The following CIP2A variants were observed in gnomAD, a reference collection of about 807,000 sequenced individuals.
The protein encoded by CIP2A is cellular inhibitor of PP2A, also known as protein CIP2A.
In CIP2A, 103 loss-of-function variants were observed where a neutral mutation model predicts 110.9. The observed-to-expected ratio is 0.93, with a 90% confidence interval of 0.79 to 1.09. The LOEUF (loss-of-function observed/expected upper bound fraction) is 1.09. Ranked by LOEUF, CIP2A falls within the 50% of genes least tolerant of loss-of-function variation. The pLI, the probability that CIP2A is intolerant of heterozygous loss-of-function variation, is 0.00. For missense variants in CIP2A, 1,088 were observed against 1,038.4 expected (o/e 1.05, Z -0.66); for synonymous variants, 381 against 361.6 (o/e 1.05, Z -0.61).
chr3:108,552,386 A>C lies in CIP2A; in HGVS notation c.2408-13T>G, dbSNP rs915895478. 4.0e-6 allele frequency: 6 copies of C among 1,492,726 alleles called. No individual in the cohort carries two copies. In the African/African-American group the frequency reaches 8.6e-5, roughly 21 times the overall value. The allele number at this position is 1,492,726 out of a possible 1,614,324, so 92.5% of individuals were successfully genotyped here. A position where few individuals can be genotyped will look rare whatever the true frequency, so the allele number is the denominator to read the frequency against. ...TTTTGATGCAAATCTTAAAAGAAAA[A>C]AAAGTCAAGTATTATACTCAGAGGT... On this transcript the variant is annotated splice_polypyrimidine_tract_variant and intron_variant, in intron 19 of 20. Coordinates refer to ENST00000295746, the MANE Select transcript of CIP2A (RefSeq NM_020890.3).
chr3:108,556,239 T>G (rs1038317536), intron 17 of CIP2A, among the ~76,000 whole-genome samples: 1 of 152,220 alleles, frequency 6.6e-6, no homozygotes, highest in African/African-American at 2.4e-5. Context: ...ATATGTACCA[T>G]GCCAAGCTAA....
intron 1 of CIP2A, among the ~76,000 whole-genome samples, chr3:108,586,788 G>A (rs923585290): frequency 6.6e-6 from 1 of 152,120 alleles, no homozygotes; most frequent in Non-Finnish European, 1.5e-5. Flanking sequence ...CAAAATTAGT[G>A]TTATGAAACA....
intron 13 of CIP2A, among the ~76,000 whole-genome samples, chr3:108,562,274 C>T (rs971583145): frequency 1.3e-5 from 2 of 151,984 alleles, no homozygotes; most frequent in African/African-American, 4.8e-5. Context: ...GACTCAAGGA[C>T]CTATCTGGTC....
In CIP2A at chr3:108,567,378, G is replaced by C. The variant is rs1938223994; in HGVS notation, c.1274-740C>G. Among the ~76,000 whole-genome samples, 4 of 151,704 alleles carry C rather than the reference G, an allele frequency of 2.6e-5. 1 individual carries two copies. The South Asian group carries it at 8.3e-4, about 32-fold the overall frequency. Reference sequence around the variant, plus strand: ...TAAACAGGGGTGGAGTTTGCTCTAGGACAGAGTAGAACATATTCTTGTTGC... The same window carrying C: ...TAAACAGGGGTGGAGTTTGCTCTAGCACAGAGTAGAACATATTCTTGTTGC... On this transcript the variant is annotated intron_variant, in intron 10 of 20. Coordinates refer to ENST00000295746, the MANE Select transcript of CIP2A (RefSeq NM_020890.3).
intron 11 of CIP2A, among the ~76,000 whole-genome samples, chr3:108,565,794 G>A (rs1334944677): frequency 6.6e-6 from 1 of 151,686 alleles, no homozygotes; most frequent in African/African-American, 2.4e-5. Flanking sequence ...GGTAACCTTA[G>A]GCAATATAGA....
chr3:108,582,886 A>ATATAGCTGACT, intron 3 of CIP2A, 91 bp downstream of exon 3: 1 of 661,462 alleles, frequency 1.5e-6, no homozygotes, highest in Non-Finnish European at 2.6e-6. Context: ...TATATAGCAT[A>ATATAGCTGACT]TATACACTGT....
chr3:108,575,382 ATGCG>A (rs1262331016), intron 8 of CIP2A, among the ~76,000 whole-genome samples: 1 of 150,234 alleles, frequency 6.7e-6, no homozygotes, highest in African/African-American at 2.4e-5. Flanking sequence ...ATATACATGT[ATGCG>A]TGTATATATG....
chr3:108,573,327 A>G (rs1284340474), intron 8 of CIP2A, among the ~76,000 whole-genome samples: 2 of 152,054 alleles, frequency 1.3e-5, no homozygotes, highest in African/African-American at 4.8e-5. Flanking sequence ...ACGCTATTAC[A>G]TATTTAAAAA....
rs1937610965 is a variant in CIP2A, at chr3:108,552,224, A to T, written c.2547+10T>A. On this transcript the variant is annotated intron_variant, in intron 20 of 20. Coordinates refer to ENST00000295746, the MANE Select transcript of CIP2A (RefSeq NM_020890.3). ...TTTTACTGCAAATGAGAAATGGAAC[A>T]GATTCTTACCTTAATGCTCAACTCT... The T allele has an allele frequency of 6.5e-7, 1 of 1,548,456 alleles. No homozygotes were observed. Among genetic ancestry groups the T allele is most frequent in the Admixed American group, 2.2e-5 (1 of 45,426 alleles).
At chr3:108,556,004 T>G (rs1300919313) in intron 17 of CIP2A, among the ~76,000 whole-genome samples, 1 of 152,180 alleles carries the variant, frequency 6.6e-6, no homozygotes, top group Non-Finnish European at 1.5e-5. Flanking sequence ...CTGGTTTTAC[T>G]GTATTGAGCA....
At position 108,589,415 on chromosome 3, in the gene CIP2A, A is replaced by G. The variant is rs540872424; in HGVS notation, c.-40T>C. On this transcript the variant is annotated 5_prime_UTR_variant, in exon 1 of 21. Transcript: ENST00000295746. ...CCCGGCTTAGGGACCACCACCGCCC[A>G]GCGTGCGCCGGCCTTTAGCTTTCGC... The G allele has an allele frequency of 2.1e-6, 3 of 1,459,672 alleles. No individual in the cohort carries two copies. The highest frequency in any genetic ancestry group is 2.4e-5 in the East Asian group (1 of 42,542). 90.4% of individuals were successfully genotyped at this position (1,459,672 alleles called of 1,614,324 possible). A position where few individuals can be genotyped will look rare whatever the true frequency, so the allele number is the denominator to read the frequency against.
At chr3:108,567,357 CAG>C in intron 10 of CIP2A, among the ~76,000 whole-genome samples, 1 of 151,592 alleles carries the variant, frequency 6.6e-6, no homozygotes, top group African/African-American at 2.4e-5. Context: ...GGATATTAAA[CAG>C]GGGTGGAGTT....
At chr3:108,579,763 A>G (rs1244404418) in intron 5 of CIP2A, 75 bp from the exon 6 acceptor site, 1 of 816,292 alleles carries the variant, frequency 1.2e-6, no homozygotes, top group Non-Finnish European at 1.8e-6. Context: ...TATCTTGCAC[A>G]GAGTGGGCAA....
chr3:108,584,408 TC>T (rs1309266474), intron 2 of CIP2A, among the ~76,000 whole-genome samples: 1 of 152,102 alleles, frequency 6.6e-6, no homozygotes, highest in Non-Finnish European at 1.5e-5. Context: ...GATTATACCC[TC>T]AAAGCTGAAA....
chr3:108,578,883 T>G (rs1576316353), intron 7 of CIP2A, among the ~76,000 whole-genome samples: 1 of 152,206 alleles, frequency 6.6e-6, no homozygotes, highest in African/African-American at 2.4e-5. Context: ...ATGACATCAA[T>G]GTTTCAACAC....
intron 8 of CIP2A, among the ~76,000 whole-genome samples, chr3:108,570,441 G>T (rs938127899): frequency 6.6e-6 from 1 of 152,062 alleles, no homozygotes; most frequent in Non-Finnish European, 1.5e-5. Context: ...GTTGCTTAAT[G>T]CATCATTAAT....
intron 17 of CIP2A, 31 bp from the exon 18 acceptor site, chr3:108,554,520 T>C (rs1937714205): frequency 1.1e-6 from 1 of 908,576 alleles, no homozygotes; most frequent in Non-Finnish European, 1.7e-6. Flanking sequence ...GTTGGCATCA[T>C]TATGGAGGAA....
Position 108,563,221 on chromosome 3 carries a change from C to G in CIP2A, c.1539G>C (p.Leu513Phe). The part of the protein sequence containing the change: ...ILQDPRLITP[L>F]AFALTSDNRE... ...TATTATCTGACGTTAAAGCAAAAGC[C>G]AAAGGAGTAATCAAACGTGGGTCCT... Residue 513 changes from leucine (L) to phenylalanine (F), a missense_variant, in exon 13 of 21, where the codon TTG (leucine) becomes TTC (phenylalanine). Leu to Phe is a conservative substitution (Grantham distance 22, BLOSUM62 0). Coordinates refer to ENST00000295746, the MANE Select transcript of CIP2A (RefSeq NM_020890.3). 2 of 1,611,450 alleles carry G rather than the reference C, an allele frequency of 1.2e-6. No homozygotes were observed. The highest frequency in any genetic ancestry group is 1.7e-6 in the Non-Finnish European group (2 of 1,178,048).
At chr3:108,554,550 A>C in intron 17 of CIP2A, 61 bp from the exon 18 acceptor site, 2 of 707,366 alleles carry the variant, frequency 2.8e-6, no homozygotes, top group Non-Finnish European at 4.9e-6. Flanking sequence ...AGGAGAAAAG[A>C]AGCTCACAGT....
Sources: allele counts gnomAD v4.1 joint callset (sites outside exome capture counted in the v4.1 genomes callset), GRCh38; gene constraint gnomAD v4.1.1; transcripts MANE v1.5; gene names NCBI Gene and HGNC (gene_info 2026-07-23, HGNC 2026-07-21).